Variants in MAGI1 observed in about 807,000 individuals in gnomAD.
MAGI1 encodes membrane associated guanylate kinase, WW and PDZ domain containing 1.
MAGI1 carries 58 observed loss-of-function variants against 139.9 expected under a neutral mutation model. That is an observed-to-expected ratio of 0.41 (90% CI 0.34 to 0.52). The LOEUF is 0.52. MAGI1 is among the 20% of genes least tolerant of loss of function. The probability of loss-of-function intolerance (pLI) is 0.12; values close to 1 mark genes in which losing one functional copy is unlikely to be tolerated. For missense variants in MAGI1, 1,874 were observed against 1,901.6 expected (o/e 0.99, Z 0.27); for synonymous variants, 812 against 737.9 (o/e 1.10, Z -1.63).
At chr3:65,852,502 A>ATTTT (rs1340104660) in intron 1 of MAGI1, among the ~76,000 whole-genome samples, 2 of 137,474 alleles carry the variant, frequency 1.5e-5, no homozygotes, top group African/African-American at 5.4e-5. Context: ...CTTGACACCA[A>ATTTT]TTTTTTTTTT....
intron 1 of MAGI1, among the ~76,000 whole-genome samples, chr3:65,628,160 T>C (rs947877690): frequency 6.6e-6 from 1 of 152,136 alleles, no homozygotes; most frequent in East Asian, 1.9e-4. Context: ...TCTGAATTCA[T>C]CCCCAAAATG....
At chr3:65,851,379 G>C (rs1326003477) in intron 1 of MAGI1, among the ~76,000 whole-genome samples, 2 of 152,144 alleles carry the variant, frequency 1.3e-5, no homozygotes, top group Non-Finnish European at 2.9e-5. Flanking sequence ...TGACTTATGA[G>C]TATTACATTG....
rs968518726 is a variant in MAGI1, at chr3:65,505,210, T to C, written c.431-11579A>G. Among the ~76,000 whole-genome samples the C allele has an allele frequency of 3.3e-5, 5 of 152,232 alleles. No individual in the cohort carries two copies. In the East Asian group the frequency reaches 9.7e-4, roughly 29 times the overall value. ...AATTATAGCAATTGTTTGTGTAAAA[T>C]GGAATGAACTACTTCCAACAATTTC... On this transcript the variant is annotated intron_variant, in intron 2 of 22. Coordinates refer to ENST00000402939, the MANE Select transcript of MAGI1 (RefSeq NM_001033057.2).
intron 2 of MAGI1, among the ~76,000 whole-genome samples, chr3:65,598,123 A>G (rs1255483037): frequency 6.6e-6 from 1 of 151,972 alleles, no homozygotes; most frequent in African/African-American, 2.4e-5. Flanking sequence ...TTCCATCTGT[A>G]TTTAAGCCGG....
chr3:65,830,299 T>C lies in MAGI1; in HGVS notation c.313+207697A>G, dbSNP rs182900282. The stretch of plus-strand genomic sequence containing the variant: ...TTTTGTGTAATGCTAAAACCACACC[T>C]GGGGAAAATCTTATAAAAGGAGAGA... On this transcript the variant is annotated intron_variant, in intron 1 of 22. Coordinates refer to ENST00000402939, the MANE Select transcript of MAGI1 (RefSeq NM_001033057.2). Among the ~76,000 whole-genome samples, 6 of 150,796 alleles carry C rather than the reference T, an allele frequency of 4.0e-5. No individual in the cohort carries two copies. The East Asian group carries it at 1.2e-3, about 29-fold the overall frequency.
At chr3:65,915,269 C>T (rs899394283) in intron 1 of MAGI1, among the ~76,000 whole-genome samples, 1 of 152,212 alleles carries the variant, frequency 6.6e-6, no homozygotes, top group Admixed American at 6.5e-5. Flanking sequence ...GCAGCTTGTA[C>T]ATATTTAGCA....
intron 1 of MAGI1, among the ~76,000 whole-genome samples, chr3:65,840,368 A>G (rs1398197978): frequency 1.3e-5 from 2 of 152,304 alleles, no homozygotes; most frequent in Admixed American, 1.3e-4. Flanking sequence ...TCGGTCTTGC[A>G]CCATTAAGTA....
At chr3:65,895,323 A>G (rs1443807854) in intron 1 of MAGI1, among the ~76,000 whole-genome samples, 2 of 152,178 alleles carry the variant, frequency 1.3e-5, no homozygotes, top group Admixed American at 1.3e-4. Flanking sequence ...TCCAGCCCCT[A>G]TTCTCTCCAC....
At chr3:65,379,640 T>G (rs1942876489) in intron 16 of MAGI1, 86 bp from the exon 17 acceptor site, 1 of 1,534,226 alleles carries the variant, frequency 6.5e-7, no homozygotes, top group Non-Finnish European at 8.8e-7. Context: ...CAACTCCTGC[T>G]AGAAATCAAA....
At chr3:65,944,535 A>G (rs1175332956) in intron 1 of MAGI1, among the ~76,000 whole-genome samples, 3 of 152,156 alleles carry the variant, frequency 2.0e-5, no homozygotes, top group Non-Finnish European at 4.4e-5. Flanking sequence ...AAAAAAATAA[A>G]GTGCTATTTA....
At chr3:65,834,600 T>C (rs1003435401) in intron 1 of MAGI1, among the ~76,000 whole-genome samples, 1 of 152,252 alleles carries the variant, frequency 6.6e-6, no homozygotes, top group African/African-American at 2.4e-5. Flanking sequence ...TTCAGTTAGC[T>C]GATGGTGTTG....
At chr3:65,806,042 G>T (rs2040834621) in intron 1 of MAGI1, among the ~76,000 whole-genome samples, 1 of 152,046 alleles carries the variant, frequency 6.6e-6, no homozygotes, top group Admixed American at 6.6e-5. Flanking sequence ...CATAGCAAAT[G>T]TTTACCTAGG....
chr3:65,926,823 C>G (rs1296204734), intron 1 of MAGI1, among the ~76,000 whole-genome samples: 1 of 152,136 alleles, frequency 6.6e-6, no homozygotes, highest in Non-Finnish European at 1.5e-5. Context: ...GGTGTAACCC[C>G]CATCTCTACT....
At chr3:65,868,420 A>G in intron 1 of MAGI1, among the ~76,000 whole-genome samples, 1 of 152,212 alleles carries the variant, frequency 6.6e-6, no homozygotes, top group East Asian at 1.9e-4. Context: ...TGACGGGTAG[A>G]GCGCAGATTC....
intron 18 of MAGI1, among the ~76,000 whole-genome samples, chr3:65,374,492 AT>A (rs1942311759): frequency 6.6e-6 from 1 of 151,756 alleles, no homozygotes; most frequent in Non-Finnish European, 1.5e-5. Flanking sequence ...TAATTTTTAT[AT>A]TTTTAGTAGA....
At chr3:66,016,899 G>A (rs1490294645) in intron 1 of MAGI1, among the ~76,000 whole-genome samples, 1 of 152,188 alleles carries the variant, frequency 6.6e-6, no homozygotes, top group Non-Finnish European at 1.5e-5. Context: ...TCGCAAAAGG[G>A]TAAACACTGT....
At chr3:65,872,557 G>A (rs2059974317) in intron 1 of MAGI1, among the ~76,000 whole-genome samples, 1 of 152,112 alleles carries the variant, frequency 6.6e-6, no homozygotes, top group African/African-American at 2.4e-5. Context: ...TATTGGCAGT[G>A]TCTTCTAAAG....
intron 1 of MAGI1, among the ~76,000 whole-genome samples, chr3:66,035,196 A>T (rs1454809145): frequency 6.6e-6 from 1 of 152,186 alleles, no homozygotes; most frequent in Non-Finnish European, 1.5e-5. Context: ...AACCTGGCAG[A>T]TCCATTGAGT....
At chr3:65,514,053 G>T (rs1419179881) in intron 2 of MAGI1, among the ~76,000 whole-genome samples, 4 of 135,528 alleles carry the variant, frequency 3.0e-5, no homozygotes, top group Admixed American at 7.7e-5. Context: ...AACAAGCAAT[G>T]GGGAAAGGAT....
Sources: gnomAD v4.1 joint callset for allele counts (sites outside exome capture counted in the v4.1 genomes callset) on GRCh38, gnomAD v4.1.1 for gene constraint, MANE v1.5 for transcripts, NCBI Gene and HGNC (gene_info 2026-07-23, HGNC 2026-07-21) for gene names.